Variants in GSG1L observed in about 807,000 individuals in gnomAD.
The protein encoded by GSG1L is GSG1 like.
In GSG1L, 24 loss-of-function variants were observed where a neutral mutation model predicts 42.1. The ratio of observed to expected loss-of-function variants is 0.57; its 90% CI spans 0.41 to 0.80. GSG1L has a LOEUF of 0.80. GSG1L is among the 30% of genes least tolerant of loss of function. The pLI, the probability that GSG1L is intolerant of heterozygous loss-of-function variation, is 0.00. For missense variants in GSG1L, 445 were observed against 472.2 expected (o/e 0.94, Z 0.53); for synonymous variants, 215 against 203.5 (o/e 1.06, Z -0.48).
At chr16:27,885,873 C>T (rs2084021520) in intron 2 of GSG1L, among the ~76,000 whole-genome samples, 1 of 152,200 alleles carries the variant, frequency 6.6e-6, no homozygotes, top group Admixed American at 6.5e-5. Flanking sequence ...GCACAGCTCC[C>T]TTTTCCTACA....
intron 5 of GSG1L, among the ~76,000 whole-genome samples, chr16:27,821,374 TC>T (rs1234333694): frequency 1.3e-5 from 2 of 152,108 alleles, no homozygotes; most frequent in Non-Finnish European, 2.9e-5. Context: ...CTTCAGTTGA[TC>T]CCATCACCCA....
chr16:28,031,994 G>A (rs2085969879), intron 1 of GSG1L, among the ~76,000 whole-genome samples: 1 of 152,174 alleles, frequency 6.6e-6, no homozygotes, highest in African/African-American at 2.4e-5. Context: ...TCTGGAAGTG[G>A]AGAAAATTAG....
intron 2 of GSG1L, among the ~76,000 whole-genome samples, chr16:27,919,819 T>C (rs1468139914): frequency 6.6e-6 from 1 of 152,182 alleles, no homozygotes; most frequent in Non-Finnish European, 1.5e-5. Flanking sequence ...GATTTTCACC[T>C]GAAAGGAGGA....
intron 1 of GSG1L, among the ~76,000 whole-genome samples, chr16:28,033,878 GC>G (rs2085996197): frequency 6.6e-6 from 1 of 152,072 alleles, no homozygotes; most frequent in African/African-American, 2.4e-5. Flanking sequence ...AGAGAAAATC[GC>G]ACAGTGGAAA....
Position 27,858,249 on chromosome 16 carries a change from A to G in GSG1L, c.551-13188T>C, listed in dbSNP as rs192858502. Among the ~76,000 whole-genome samples the G allele has an allele frequency of 1.8e-3, 275 of 152,284 alleles. 1 individual carries two copies. The highest frequency in any genetic ancestry group is 2.0e-3 in the Non-Finnish European group (133 of 68,016). On this transcript the variant is annotated intron_variant, in intron 3 of 6. Coordinates refer to ENST00000447459, the MANE Select transcript of GSG1L (RefSeq NM_001109763.2). The stretch of plus-strand genomic sequence containing the variant: ...CCTTGACAACCGTCCAGAGAGCCAA[A>G]ATTGACAGCCTCTCTTTACCCCGGG...
chr16:27,861,150 C>T (rs2083645222), intron 3 of GSG1L, among the ~76,000 whole-genome samples: 1 of 152,106 alleles, frequency 6.6e-6, no homozygotes, highest in Admixed American at 6.6e-5. Context: ...GGCAGATCAC[C>T]TGAGGTCAGG....
At chr16:27,852,382 G>A (rs1289291874) in intron 3 of GSG1L, among the ~76,000 whole-genome samples, 2 of 152,004 alleles carry the variant, frequency 1.3e-5, no homozygotes, top group Non-Finnish European at 2.9e-5. Context: ...TCCTCCCAGT[G>A]CTTCCATTGG....
chr16:28,027,281 G>A (rs986748491), intron 1 of GSG1L, among the ~76,000 whole-genome samples: 7 of 152,186 alleles, frequency 4.6e-5, no homozygotes, highest in African/African-American at 1.7e-4. Flanking sequence ...CCATTCACAC[G>A]CTGCAGGCCA....
chr16:28,060,343 G>C (rs2086327184), intron 1 of GSG1L, among the ~76,000 whole-genome samples: 1 of 152,076 alleles, frequency 6.6e-6, no homozygotes, highest in South Asian at 2.1e-4. Flanking sequence ...GCAGGATTTT[G>C]GCACTGTAGG....
At chr16:27,854,822 G>GGAGA (rs1483865904) in intron 3 of GSG1L, among the ~76,000 whole-genome samples, 1 of 152,174 alleles carries the variant, frequency 6.6e-6, no homozygotes, top group Non-Finnish European at 1.5e-5. Context: ...GAAGGATGAT[G>GGAGA]GAGAGAGGAC....
chr16:27,991,771 C>T (rs1430983840), intron 1 of GSG1L, among the ~76,000 whole-genome samples: 1 of 152,064 alleles, frequency 6.6e-6, no homozygotes, highest in Non-Finnish European at 1.5e-5. Context: ...CTGAGAAAAC[C>T]AAAATCGTGG....
intron 3 of GSG1L, among the ~76,000 whole-genome samples, chr16:27,845,499 G>T (rs2083433249): frequency 6.6e-6 from 1 of 152,080 alleles, no homozygotes; most frequent in East Asian, 1.9e-4. Context: ...GCCTCCCCAA[G>T]TGCTAGGATT....
intron 1 of GSG1L, among the ~76,000 whole-genome samples, chr16:28,017,711 A>G (rs2085796444): frequency 6.6e-6 from 1 of 152,264 alleles, no homozygotes; most frequent in Non-Finnish European, 1.5e-5. Context: ...CACAGAGGGC[A>G]AAAGAAGCAA....
At chr16:27,853,611 G>A (rs2083540683) in intron 3 of GSG1L, among the ~76,000 whole-genome samples, 1 of 152,152 alleles carries the variant, frequency 6.6e-6, no homozygotes, top group Non-Finnish European at 1.5e-5. Context: ...TTCTCCAAAG[G>A]TCCCCTTTTA....
At chr16:27,873,968 T>C (rs2083854230) in intron 3 of GSG1L, among the ~76,000 whole-genome samples, 1 of 152,164 alleles carries the variant, frequency 6.6e-6, no homozygotes. Context: ...AGGGAAGACT[T>C]CCCAGGCCTC....
intron 2 of GSG1L, among the ~76,000 whole-genome samples, chr16:27,913,126 G>A (rs1213392830): frequency 6.6e-6 from 1 of 152,086 alleles, no homozygotes; most frequent in East Asian, 1.9e-4. Context: ...CCTGGCCAAT[G>A]TGGAGGAATC....
At chr16:28,050,760 T>A (rs2086213655) in intron 1 of GSG1L, among the ~76,000 whole-genome samples, 1 of 152,192 alleles carries the variant, frequency 6.6e-6, no homozygotes, top group African/African-American at 2.4e-5. Flanking sequence ...GGAGCCCAAC[T>A]GCTTCCTGAT....
chr16:27,853,073 C>G (rs1185517404), intron 3 of GSG1L, among the ~76,000 whole-genome samples: 2 of 152,128 alleles, frequency 1.3e-5, no homozygotes, highest in Non-Finnish European at 2.9e-5. Flanking sequence ...CCAGAACAGC[C>G]TCCCGCGGAA....
intron 2 of GSG1L, among the ~76,000 whole-genome samples, chr16:27,950,947 G>A (rs942461190): frequency 2.0e-5 from 3 of 152,098 alleles, no homozygotes; most frequent in African/African-American, 2.4e-5. Flanking sequence ...CTCCCCTCAC[G>A]GATTGTGAGT....
Sources: allele counts gnomAD v4.1 joint callset (sites outside exome capture counted in the v4.1 genomes callset), GRCh38; gene constraint gnomAD v4.1.1; transcripts MANE v1.5; gene names NCBI Gene and HGNC (gene_info 2026-07-23, HGNC 2026-07-21).